Variants in TLE4 observed in about 807,000 individuals in gnomAD.
TLE4 encodes TLE family member 4, transcriptional corepressor.
Under a neutral mutation model 92.8 loss-of-function variants are expected in TLE4, and 8 were observed. The ratio of observed to expected loss-of-function variants is 0.09; its 90% CI spans 0.05 to 0.16. The LOEUF is 0.16. TLE4 is among the 10% of genes least tolerant of loss of function. The pLI, the probability that TLE4 is intolerant of heterozygous loss-of-function variation, is 1.00. For missense variants in TLE4, 675 were observed against 997.6 expected, an observed-to-expected ratio of 0.68 and a Z score of 4.36; for synonymous variants, 371 against 374.1, an observed-to-expected ratio of 0.99 and a Z score of 0.10.
intron 4 of TLE4, chr9:79,576,839 C>T (rs1415542181): frequency 2.0e-5 from 3 of 151,468 alleles, no homozygotes; most frequent in Non-Finnish European, 2.9e-5. Flanking sequence ...TCAGAAAGCA[C>T]TGAGAGATAC....
At chr9:79,673,229 G>A (rs973412358) in intron 8 of TLE4, among the ~76,000 whole-genome samples, 4 of 152,128 alleles carry the variant, frequency 2.6e-5, no homozygotes, top group African/African-American at 4.8e-5. Context: ...TGTGTTTGGC[G>A]TAAGATCCTG....
chr9:79,595,215 C>G (rs1282624780), intron 4 of TLE4, among the ~76,000 whole-genome samples: 1 of 152,182 alleles, frequency 6.6e-6, no homozygotes, highest in East Asian at 1.9e-4. Context: ...CTTGGAAGAA[C>G]ATACCTATCA....
chr9:79,647,138 A>G (rs2058223580), intron 6 of TLE4, among the ~76,000 whole-genome samples: 2 of 152,212 alleles, frequency 1.3e-5, no homozygotes, highest in South Asian at 2.1e-4. Context: ...AAATCTGCAT[A>G]AAGTCTCTAG....
chr9:79,695,171 G>T (rs1404033908), intron 8 of TLE4, among the ~76,000 whole-genome samples: 2 of 152,082 alleles, frequency 1.3e-5, no homozygotes, highest in Non-Finnish European at 2.9e-5. Flanking sequence ...CCAGGACTGG[G>T]CACTGACCTT....
intron 18 of TLE4, 72 bp downstream of exon 18, chr9:79,722,673 C>T: frequency 6.4e-7 from 1 of 1,555,146 alleles, no homozygotes; most frequent in South Asian, 1.2e-5. Flanking sequence ...TTTTTATTTC[C>T]AAGTCGAATC....
chr9:79,692,078 CT>C (rs2067202379), intron 8 of TLE4, among the ~76,000 whole-genome samples: 1 of 152,112 alleles, frequency 6.6e-6, no homozygotes, highest in Non-Finnish European at 1.5e-5. Context: ...GCATGCCCCC[CT>C]CCCCCATGTT....
chr9:79,609,495 G>A (rs958687621), intron 4 of TLE4, among the ~76,000 whole-genome samples: 1 of 151,948 alleles, frequency 6.6e-6, no homozygotes, highest in African/African-American at 2.4e-5. Context: ...AGTGAGTTGA[G>A]GGTAGGAAAA....
At chr9:79,642,229 T>G (rs2057301857) in intron 6 of TLE4, among the ~76,000 whole-genome samples, 8 of 151,580 alleles carry the variant, frequency 5.3e-5, no homozygotes, top group Admixed American at 4.6e-4. Context: ...GCTGCTTTAC[T>G]TAAAAAAAAA....
chr9:79,670,268 G>A (rs1014220906), intron 8 of TLE4, among the ~76,000 whole-genome samples: 2 of 151,816 alleles, frequency 1.3e-5, no homozygotes, highest in African/African-American at 4.8e-5. Context: ...CAAGCCAGAA[G>A]AAAGAAAGAG....
At chr9:79,693,007 A>C (rs1369570739) in intron 8 of TLE4, among the ~76,000 whole-genome samples, 1 of 152,212 alleles carries the variant, frequency 6.6e-6, no homozygotes, top group East Asian at 1.9e-4. Flanking sequence ...TAAATGTTGG[A>C]GCTGAGGATT....
intron 8 of TLE4, among the ~76,000 whole-genome samples, chr9:79,697,087 G>T (rs1233890031): frequency 6.6e-6 from 1 of 152,166 alleles, no homozygotes; most frequent in Non-Finnish European, 1.5e-5. Context: ...GCCAGTGCAT[G>T]TAACTGTAAT....
chr9:79,625,613 C>T (rs1482673562), intron 5 of TLE4, among the ~76,000 whole-genome samples: 1 of 151,920 alleles, frequency 6.6e-6, no homozygotes, highest in African/African-American at 2.4e-5. Flanking sequence ...TCTAGAGAAT[C>T]AAATTGTCTT....
Position 79,725,244 on chromosome 9 carries a change from C to T in TLE4, c.*100C>T. 1 of 764,990 alleles carries T rather than the reference C, an allele frequency of 1.3e-6. No individual in the cohort carries two copies. The highest frequency in any genetic ancestry group is 1.6e-5 in the South Asian group (1 of 61,200). The allele number at this position is 764,990 out of a possible 1,614,324, so 47.4% of individuals were successfully genotyped here. A position where few individuals can be genotyped will look rare whatever the true frequency, so the allele number is the denominator to read the frequency against. ...TCCCCGCATCTAAAACCAAGGATTT[C>T]AGATACTCATTGCAGTTGTGGAGTT... On this transcript the variant is annotated 3_prime_UTR_variant, in exon 20 of 20. Transcript: ENST00000376552.
intron 8 of TLE4, among the ~76,000 whole-genome samples, chr9:79,683,053 A>G (rs2065060652): frequency 6.6e-6 from 1 of 152,232 alleles, no homozygotes; most frequent in East Asian, 1.9e-4. Flanking sequence ...GACAGGGCAT[A>G]AACAAGTAAA....
intron 14 of TLE4, among the ~76,000 whole-genome samples, chr9:79,715,063 T>C (rs1037048681): frequency 6.6e-6 from 1 of 152,158 alleles, no homozygotes; most frequent in Non-Finnish European, 1.5e-5. Context: ...ATTTGGACTC[T>C]TTGAAAGGAC....
At chr9:79,630,599 G>C (rs545524774) in intron 6 of TLE4, among the ~76,000 whole-genome samples, 1 of 152,210 alleles carries the variant, frequency 6.6e-6, no homozygotes, top group Non-Finnish European at 1.5e-5. Context: ...TGTCCTGCTA[G>C]CCACTGTGTT....
At chr9:79,668,542 C>A (rs978440532) in intron 8 of TLE4, among the ~76,000 whole-genome samples, 1 of 152,124 alleles carries the variant, frequency 6.6e-6, no homozygotes, top group Non-Finnish European at 1.5e-5. Context: ...TATCTTGTAA[C>A]CCTCAAAAAG....
chr9:79,661,079 T>A (rs946083343), intron 8 of TLE4, among the ~76,000 whole-genome samples: 7 of 152,236 alleles, frequency 4.6e-5, no homozygotes, highest in Non-Finnish European at 1.0e-4. Flanking sequence ...TGCAAAAATA[T>A]TATAACGTTT....
intron 4 of TLE4, among the ~76,000 whole-genome samples, chr9:79,579,571 G>C (rs2039029075): frequency 6.6e-6 from 1 of 152,056 alleles, no homozygotes; most frequent in East Asian, 1.9e-4. Flanking sequence ...GTAATCATCA[G>C]GAAATTTTAG....
Sources: gnomAD v4.1 joint callset for allele counts (sites outside exome capture counted in the v4.1 genomes callset) on GRCh38, gnomAD v4.1.1 for gene constraint, MANE v1.5 for transcripts, NCBI Gene and HGNC (gene_info 2026-07-23, HGNC 2026-07-21) for gene names.